The following KCNIP4 variants were observed in gnomAD, a reference collection of about 807,000 sequenced individuals.
The protein encoded by KCNIP4 is potassium voltage-gated channel interacting protein 4.
Under a neutral mutation model 34.0 loss-of-function variants are expected in KCNIP4, and 12 were observed. The observed-to-expected ratio is 0.35, with a 90% CI of 0.23 to 0.57. The LOEUF (loss-of-function observed/expected upper bound fraction) is 0.57. Ranked by LOEUF, KCNIP4 falls within the 20% of genes least tolerant of loss-of-function variation. The pLI is 0.83. For missense variants in KCNIP4, 238 were observed against 311.7 expected, an observed-to-expected ratio of 0.76 and a Z score of 1.78; for synonymous variants, 124 against 102.2, an observed-to-expected ratio of 1.21 and a Z score of -1.29.
intron 1 of KCNIP4, among the ~76,000 whole-genome samples, chr4:21,554,945 G>A (rs1175079893): frequency 6.6e-6 from 1 of 151,926 alleles, no homozygotes; most frequent in Non-Finnish European, 1.5e-5. Context: ...TTTTGCCTGG[G>A]TTTATATATT....
intron 1 of KCNIP4, among the ~76,000 whole-genome samples, chr4:21,373,759 G>A (rs1720710132): frequency 6.8e-6 from 1 of 146,946 alleles, no homozygotes; most frequent in South Asian, 2.1e-4. Flanking sequence ...ATGCTGGAGT[G>A]CAATGGCATG....
intron 1 of KCNIP4, among the ~76,000 whole-genome samples, chr4:21,770,410 T>C (rs1718701891): frequency 6.6e-6 from 1 of 151,258 alleles, no homozygotes; most frequent in Non-Finnish European, 1.5e-5. Context: ...CTATTGTAAA[T>C]ACATACCGTG....
At chr4:21,915,065 C>T (rs1248454805) in intron 1 of KCNIP4, among the ~76,000 whole-genome samples, 2 of 152,106 alleles carry the variant, frequency 1.3e-5, no homozygotes, top group African/African-American at 2.4e-5. Flanking sequence ...AAAATGTTTA[C>T]TTCAGACCAG....
intron 1 of KCNIP4, among the ~76,000 whole-genome samples, chr4:21,021,793 T>A (rs1422125401): frequency 1.3e-5 from 2 of 151,910 alleles, no homozygotes; most frequent in South Asian, 2.1e-4. Context: ...TATTTTACAG[T>A]TACCTCCCTT....
intron 1 of KCNIP4, among the ~76,000 whole-genome samples, chr4:21,499,009 C>A (rs1247172970): frequency 6.6e-6 from 1 of 152,116 alleles, no homozygotes; most frequent in Non-Finnish European, 1.5e-5. Flanking sequence ...GTACTAAAAT[C>A]ACTGGTCCCA....
chr4:20,895,810 A>G (rs748916742), intron 1 of KCNIP4, among the ~76,000 whole-genome samples: 6 of 152,182 alleles, frequency 3.9e-5, no homozygotes, highest in Non-Finnish European at 8.8e-5. Flanking sequence ...TTAAAAAATT[A>G]GCCATGCCTG....
At chr4:21,671,309 T>C (rs1560613050) in intron 1 of KCNIP4, among the ~76,000 whole-genome samples, 1 of 152,152 alleles carries the variant, frequency 6.6e-6, no homozygotes, top group Admixed American at 6.5e-5. Flanking sequence ...TAAAAACTAT[T>C]GGAGGGATCT....
intron 5 of KCNIP4, among the ~76,000 whole-genome samples, chr4:20,740,173 C>T (rs1193886782): frequency 6.6e-6 from 1 of 152,096 alleles, no homozygotes; most frequent in Non-Finnish European, 1.5e-5. Context: ...AGGATATTAT[C>T]CAGGAGAACT....
chr4:21,579,290 A>G (rs1159706795), intron 1 of KCNIP4, among the ~76,000 whole-genome samples: 1 of 152,200 alleles, frequency 6.6e-6, no homozygotes, highest in Non-Finnish European at 1.5e-5. Context: ...CACAAGTACA[A>G]GATGAGCCTA....
intron 1 of KCNIP4, among the ~76,000 whole-genome samples, chr4:21,693,720 T>C (rs1711949079): frequency 1.3e-5 from 2 of 152,342 alleles, no homozygotes; most frequent in South Asian, 4.1e-4. Flanking sequence ...TCTCATCCGT[T>C]AATCTAAAGC....
At chr4:21,235,692 A>T (rs986463407) in intron 1 of KCNIP4, among the ~76,000 whole-genome samples, 2 of 152,178 alleles carry the variant, frequency 1.3e-5, no homozygotes, top group African/African-American at 4.8e-5. Flanking sequence ...CTCCCCTACT[A>T]GGATGTAACT....
intron 1 of KCNIP4, among the ~76,000 whole-genome samples, chr4:20,884,018 C>T (rs1039426848): frequency 7.2e-5 from 11 of 152,130 alleles, no homozygotes; most frequent in Non-Finnish European, 1.3e-4. Context: ...ACCCTTTTTG[C>T]CTTTGGTAGA....
At chr4:20,979,026 A>C (rs1262157226) in intron 1 of KCNIP4, among the ~76,000 whole-genome samples, 1 of 152,156 alleles carries the variant, frequency 6.6e-6, no homozygotes, top group Non-Finnish European at 1.5e-5. Context: ...TTTATGTGTA[A>C]AATTTTTCAA....
chr4:21,263,827 A>AT (rs1194830235), intron 1 of KCNIP4, among the ~76,000 whole-genome samples: 6 of 151,434 alleles, frequency 4.0e-5, no homozygotes, highest in East Asian at 3.9e-4. Flanking sequence ...GACTAATTAA[A>AT]TTTTTTTTCT....
intron 1 of KCNIP4, among the ~76,000 whole-genome samples, chr4:21,014,977 C>G (rs1210367080): frequency 6.6e-6 from 1 of 152,020 alleles, no homozygotes; most frequent in African/African-American, 2.4e-5. Flanking sequence ...ATTGATGAAC[C>G]TTGAAAACAT....
intron 1 of KCNIP4, among the ~76,000 whole-genome samples, chr4:21,368,970 C>G (rs572621818): frequency 6.8e-6 from 1 of 147,066 alleles, no homozygotes; most frequent in Admixed American, 6.6e-5. Context: ...ATCCATCCAT[C>G]CATTCATTTG....
chr4:20,830,181 A>G (rs917883107), intron 3 of KCNIP4, among the ~76,000 whole-genome samples: 1 of 152,212 alleles, frequency 6.6e-6, no homozygotes, highest in Non-Finnish European at 1.5e-5. Flanking sequence ...AAGTAGCAGC[A>G]TCAGGATATT....
chr4:21,821,971 C>T (rs1268363084), intron 1 of KCNIP4, among the ~76,000 whole-genome samples: 2 of 152,014 alleles, frequency 1.3e-5, no homozygotes, highest in Non-Finnish European at 2.9e-5. Flanking sequence ...GACAAATTCA[C>T]CAAGATGAAG....
intron 1 of KCNIP4, among the ~76,000 whole-genome samples, chr4:21,642,539 C>A (rs1278817861): frequency 6.6e-6 from 1 of 152,118 alleles, no homozygotes; most frequent in Admixed American, 6.6e-5. Flanking sequence ...GTCCACAATT[C>A]AAGTGGTGAA....
Sources: allele counts gnomAD v4.1 joint callset (sites outside exome capture counted in the v4.1 genomes callset), GRCh38; gene constraint gnomAD v4.1.1; transcripts MANE v1.5; gene names NCBI Gene and HGNC (gene_info 2026-07-23, HGNC 2026-07-21).